ATXN1: variants seen among roughly 807,000 people sequenced by gnomAD.
ATXN1 encodes ataxin 1.
In ATXN1, 8 loss-of-function variants were observed where a neutral mutation model predicts 56.4. That is an observed-to-expected ratio of 0.14 (90% CI 0.08 to 0.26). The LOEUF (loss-of-function observed/expected upper bound fraction) is 0.26, where lower values mean the gene tolerates loss of function less well. Among genes scored for constraint, ATXN1 ranks in the 10% least tolerant of loss-of-function variants. ATXN1 has a pLI of 1.00. For missense variants in ATXN1, 987 were observed against 1,106.5 expected (o/e 0.89, Z 1.53); for synonymous variants, 514 against 494.6 (o/e 1.04, Z -0.52).
At chr6:16,591,536 C>T (rs1489955994) in intron 3 of ATXN1, among the ~76,000 whole-genome samples, 1 of 152,254 alleles carries the variant, frequency 6.6e-6, no homozygotes, top group East Asian at 1.9e-4. Context: ...TTATGCTGGT[C>T]CTTCAATCAG....
intron 5 of ATXN1, among the ~76,000 whole-genome samples, chr6:16,488,281 A>C (rs568991081): frequency 1.3e-5 from 2 of 152,332 alleles, no homozygotes; most frequent in South Asian, 4.1e-4. Flanking sequence ...ACCCTCCCCC[A>C]AAAAGGACTG....
At chr6:16,470,448 T>C (rs1760195190) in intron 6 of ATXN1, among the ~76,000 whole-genome samples, 6 of 152,164 alleles carry the variant, frequency 3.9e-5, no homozygotes, top group Admixed American at 3.9e-4. Context: ...CACTTAAAAA[T>C]GGCTAAGACA....
chr6:16,628,802 C>T (rs1409167534), intron 3 of ATXN1, among the ~76,000 whole-genome samples: 1 of 152,132 alleles, frequency 6.6e-6, no homozygotes, highest in African/African-American at 2.4e-5. Flanking sequence ...GATCTCATTC[C>T]TTTTTTATGG....
chr6:16,579,847 T>TAG (rs990533142), intron 4 of ATXN1, among the ~76,000 whole-genome samples: 67 of 149,710 alleles, frequency 4.5e-4, no homozygotes, highest in Admixed American at 1.0e-3. Flanking sequence ...GCTCCCATTT[T>TAG]AGAGAGAGAG....
At chr6:16,552,404 T>C (rs1409693160) in intron 4 of ATXN1, among the ~76,000 whole-genome samples, 1 of 152,230 alleles carries the variant, frequency 6.6e-6, no homozygotes, top group East Asian at 1.9e-4. Flanking sequence ...TCTATTAAAA[T>C]GTCCTTCTGC....
At chr6:16,591,804 T>G (rs991414001) in intron 3 of ATXN1, among the ~76,000 whole-genome samples, 2 of 152,140 alleles carry the variant, frequency 1.3e-5, no homozygotes, top group Admixed American at 6.6e-5. Context: ...TTGATACTCT[T>G]ATGACTATGG....
At chr6:16,374,826 C>A (rs1762111780) in intron 6 of ATXN1, among the ~76,000 whole-genome samples, 1 of 152,246 alleles carries the variant, frequency 6.6e-6, no homozygotes, top group Non-Finnish European at 1.5e-5. Flanking sequence ...CTGAGCAACA[C>A]AGAATTGCTG....
At chr6:16,499,502 A>G (rs1240590911) in intron 5 of ATXN1, among the ~76,000 whole-genome samples, 1 of 152,146 alleles carries the variant, frequency 6.6e-6, no homozygotes, top group Non-Finnish European at 1.5e-5. Flanking sequence ...CCACCTCTTG[A>G]GGTGGTGCTT....
At chr6:16,403,543 G>T (rs1443160923) in intron 6 of ATXN1, among the ~76,000 whole-genome samples, 1 of 152,150 alleles carries the variant, frequency 6.6e-6, no homozygotes, top group Admixed American at 6.5e-5. Flanking sequence ...TAGAGATGGG[G>T]TTTCGCCACA....
intron 6 of ATXN1, among the ~76,000 whole-genome samples, chr6:16,416,421 C>G (rs1758909398): frequency 6.6e-6 from 1 of 152,174 alleles, no homozygotes; most frequent in African/African-American, 2.4e-5. Context: ...CTTTTACAGA[C>G]AAAGCTTTTG....
At chr6:16,473,923 T>C (rs1404892111) in intron 6 of ATXN1, among the ~76,000 whole-genome samples, 5 of 152,200 alleles carry the variant, frequency 3.3e-5, no homozygotes, top group Non-Finnish European at 1.5e-5. Context: ...CTAACGAGTG[T>C]TTTTAGGCTT....
chr6:16,474,606 T>C (rs1760288745), intron 6 of ATXN1, among the ~76,000 whole-genome samples: 1 of 152,172 alleles, frequency 6.6e-6, no homozygotes, highest in South Asian at 2.1e-4. Context: ...AACTGATACA[T>C]CCACTTTGTT....
At chr6:16,381,159 C>T (rs576021406) in intron 6 of ATXN1, among the ~76,000 whole-genome samples, 2 of 152,050 alleles carry the variant, frequency 1.3e-5, no homozygotes, top group Admixed American at 6.6e-5. Context: ...TGGTGGCGGG[C>T]GCCTATAATT....
intron 4 of ATXN1, among the ~76,000 whole-genome samples, chr6:16,560,782 G>A (rs1762101837): frequency 6.6e-6 from 1 of 152,160 alleles, no homozygotes; most frequent in Non-Finnish European, 1.5e-5. Context: ...AGGTGGTAAA[G>A]CTTACTTTCC....
At chr6:16,324,258 C>T (rs963059074) in intron 7 of ATXN1, among the ~76,000 whole-genome samples, 1 of 152,044 alleles carries the variant, frequency 6.6e-6, no homozygotes, top group Non-Finnish European at 1.5e-5. Context: ...GCCTAGGCAA[C>T]ACAGCAAGAC....
intron 3 of ATXN1, chr6:16,615,250 A>G (rs1350200892): frequency 6.7e-6 from 1 of 149,488 alleles, no homozygotes; most frequent in Non-Finnish European, 1.5e-5. Context: ...AAGCTGCTAT[A>G]TGTCAGCTTG....
chr6:16,752,270 G>A (rs1210813703), intron 2 of ATXN1, among the ~76,000 whole-genome samples: 3 of 152,180 alleles, frequency 2.0e-5, no homozygotes, highest in South Asian at 4.1e-4. Context: ...CACCAACTAA[G>A]TCTACAGAAC....
At chr6:16,470,980 G>A (rs779211837) in intron 6 of ATXN1, among the ~76,000 whole-genome samples, 2 of 152,130 alleles carry the variant, frequency 1.3e-5, no homozygotes, top group Non-Finnish European at 2.9e-5. Flanking sequence ...AGACTGATGT[G>A]AGGCATTTGG....
intron 2 of ATXN1, among the ~76,000 whole-genome samples, chr6:16,724,388 G>A (rs182175495): frequency 6.6e-6 from 1 of 152,114 alleles, no homozygotes; most frequent in African/African-American, 2.4e-5. Flanking sequence ...AAGCATGTAT[G>A]GTCATGGAAG....
Sources: allele counts gnomAD v4.1 joint callset (sites outside exome capture counted in the v4.1 genomes callset), GRCh38; gene constraint gnomAD v4.1.1; transcripts MANE v1.5; gene names NCBI Gene and HGNC (gene_info 2026-07-23, HGNC 2026-07-21).